Variants in CPED1 observed in about 807,000 individuals in gnomAD.
CPED1 encodes cadherin-like and PC-esterase domain-containing protein 1.
CPED1 carries 114 observed loss-of-function variants against 128.2 expected under a neutral mutation model. That is an observed-to-expected ratio of 0.89 (90% CI 0.76 to 1.04). The LOEUF (loss-of-function observed/expected upper bound fraction) is 1.04. Ranked by LOEUF, CPED1 falls within the 50% of genes least tolerant of loss-of-function variation. The pLI is 0.00. For synonymous variants in CPED1, 462 were observed against 426.7 expected (o/e 1.08, Z -1.02); for missense variants, 1,211 against 1,207.1 (o/e 1.00, Z -0.05).
chr7:121,134,492 T>C (rs946736186), intron 13 of CPED1, among the ~76,000 whole-genome samples: 19 of 151,972 alleles, frequency 1.3e-4, no homozygotes, highest in Non-Finnish European at 2.6e-4. Context: ...AGATTGGTTA[T>C]AGTTAGGTAG....
chr7:121,210,896 G>C (rs1415525701), intron 16 of CPED1, among the ~76,000 whole-genome samples: 1 of 151,792 alleles, frequency 6.6e-6, no homozygotes, highest in African/African-American at 2.4e-5. Flanking sequence ...ACATTGTATG[G>C]CTATATCAAA....
intron 4 of CPED1, among the ~76,000 whole-genome samples, chr7:121,054,028 C>T (rs1453694466): frequency 6.6e-6 from 1 of 152,034 alleles, no homozygotes; most frequent in Non-Finnish European, 1.5e-5. Context: ...TTTTCCTGTC[C>T]CAGGCTGGAA....
chr7:121,266,969 CCAGTCACAACATGGTTGTT>C (rs1324643384), intron 20 of CPED1, among the ~76,000 whole-genome samples, 161 bp downstream of exon 20: 2 of 151,922 alleles, frequency 1.3e-5, no homozygotes, highest in Non-Finnish European at 2.9e-5. Context: ...AGTCTTGTAT[CCAGTCACAACATGGTTGTT>C]CATTATCCAG....
At chr7:121,227,652 C>T (rs1798045431) in intron 16 of CPED1, among the ~76,000 whole-genome samples, 1 of 152,008 alleles carries the variant, frequency 6.6e-6, no homozygotes, top group African/African-American at 2.4e-5. Flanking sequence ...GTGAGATGAA[C>T]CTCCATTTAA....
At chr7:121,140,707 C>A in intron 14 of CPED1, 120 bp from the exon 15 acceptor site, 1 of 685,080 alleles carries the variant, frequency 1.5e-6, no homozygotes, top group Non-Finnish European at 2.4e-6. Context: ...ATTGGAAAGT[C>A]AGCAGGGATC....
intron 7 of CPED1, among the ~76,000 whole-genome samples, chr7:121,122,139 A>AT (rs34817474): frequency 0.34 from 43,755 of 127,160 alleles, 8,938 homozygotes; most frequent in Middle Eastern, 0.48. Context: ...ACTCATCTGG[A>AT]TTTTTTTTTT....
At chr7:121,120,590 C>T (rs751589549) in intron 7 of CPED1, among the ~76,000 whole-genome samples, 12 of 152,092 alleles carry the variant, frequency 7.9e-5, no homozygotes, top group African/African-American at 1.2e-4. Flanking sequence ...CATTCTGCTC[C>T]GGTTTCTCAT....
intron 16 of CPED1, among the ~76,000 whole-genome samples, chr7:121,151,256 C>T (rs895800174): frequency 1.3e-5 from 2 of 152,196 alleles, no homozygotes; most frequent in East Asian, 1.9e-4. Flanking sequence ...TGCCCAATGC[C>T]GTATACAATG....
chr7:121,161,269 A>AC (rs1363739024), intron 16 of CPED1, among the ~76,000 whole-genome samples: 1 of 152,128 alleles, frequency 6.6e-6, no homozygotes, highest in Non-Finnish European at 1.5e-5. Flanking sequence ...TGACAAGCTC[A>AC]CTGGGGTTGC....
At chr7:121,190,806 G>A (rs1418756657) in intron 16 of CPED1, among the ~76,000 whole-genome samples, 2 of 152,086 alleles carry the variant, frequency 1.3e-5, no homozygotes, top group African/African-American at 2.4e-5. Flanking sequence ...CTGAAGAAAT[G>A]AAAGCAGCTC....
intron 2 of CPED1, among the ~76,000 whole-genome samples, chr7:121,012,089 C>T (rs1792174695): frequency 6.6e-6 from 1 of 151,892 alleles, no homozygotes; most frequent in Admixed American, 6.6e-5. Context: ...GTAGATGAAG[C>T]AAGCAAGTGA....
At position 121,125,863 on chromosome 7, in the gene CPED1, G is replaced by A. The variant is rs1795490038; in HGVS notation, c.1105G>A (p.Gly369Ser). Residue 369 changes from glycine to serine, a missense_variant, in exon 9 of 23, where the codon GGC becomes AGC. Physicochemically the swap from Gly to Ser is moderately conservative, Grantham distance 56 (BLOSUM62 0). Transcript: ENST00000310396. ...ACTTCTAACTTTTGATATTGGTTAT[G>A]GCAGTTTCATGTACCCTGTAGTGCT... ...FQLLTFDIGY[G>S]SFMYPVVLQV... 1 of 1,613,560 alleles carries A rather than the reference G, an allele frequency of 6.2e-7. No individual in the cohort carries two copies. The highest frequency in any genetic ancestry group is 8.5e-7 in the Non-Finnish European group (1 of 1,179,626).
chr7:121,129,259 TA>T (rs1392902480), intron 11 of CPED1, among the ~76,000 whole-genome samples: 1 of 145,024 alleles, frequency 6.9e-6, no homozygotes, highest in Non-Finnish European at 1.5e-5. Flanking sequence ...ATCTTACTTG[TA>T]AAAAGTATAT....
chr7:121,005,062 A>G (rs950971086), intron 2 of CPED1, among the ~76,000 whole-genome samples: 1 of 152,180 alleles, frequency 6.6e-6, no homozygotes, highest in Non-Finnish European at 1.5e-5. Context: ...ATATATAAAC[A>G]CTACCTTTTT....
chr7:121,191,172 C>T (rs1400932085), intron 16 of CPED1, among the ~76,000 whole-genome samples: 1 of 152,098 alleles, frequency 6.6e-6, no homozygotes, highest in Non-Finnish European at 1.5e-5. Flanking sequence ...TTGATTCATG[C>T]TTTTTGCCAC....
chr7:120,996,814 T>A (rs1419902774), intron 2 of CPED1, among the ~76,000 whole-genome samples: 1 of 152,186 alleles, frequency 6.6e-6, no homozygotes, highest in East Asian at 1.9e-4. Context: ...CATTCAGTGG[T>A]TTAACCAGTT....
chr7:121,028,035 G>A (rs1182488062), intron 3 of CPED1, among the ~76,000 whole-genome samples: 1 of 152,086 alleles, frequency 6.6e-6, no homozygotes, highest in Non-Finnish European at 1.5e-5. Context: ...ATGTTTGCCT[G>A]AAAACATAGT....
chr7:121,168,286 A>G (rs1304189682), intron 16 of CPED1, among the ~76,000 whole-genome samples: 2 of 152,202 alleles, frequency 1.3e-5, no homozygotes, highest in Non-Finnish European at 2.9e-5. Context: ...ACCTGAAATA[A>G]TTTTTAAAAC....
intron 18 of CPED1, among the ~76,000 whole-genome samples, chr7:121,252,282 T>A (rs960677215): frequency 6.0e-4 from 91 of 152,126 alleles, no homozygotes; most frequent in African/African-American, 2.1e-3. Flanking sequence ...TGAAACTGGA[T>A]CCCTTCCTTA....
Sources: gnomAD v4.1 joint callset for allele counts (sites outside exome capture counted in the v4.1 genomes callset) on GRCh38, gnomAD v4.1.1 for gene constraint, MANE v1.5 for transcripts, NCBI Gene and HGNC (gene_info 2026-07-23, HGNC 2026-07-21) for gene names.